Variants in ASTN2 observed in about 807,000 individuals in gnomAD.
ASTN2 encodes the protein astrotactin 2.
In ASTN2, 54 loss-of-function variants were observed where a neutral mutation model predicts 139.8. The observed-to-expected ratio is 0.39, with a 90% CI of 0.31 to 0.48. ASTN2 has a LOEUF of 0.48. ASTN2 is among the 20% of genes least tolerant of loss of function. The pLI, the probability that ASTN2 is intolerant of heterozygous loss-of-function variation, is 0.95. For synonymous variants in ASTN2, 756 were observed against 719.5 expected (o/e 1.05, Z -0.81); for missense variants, 1,565 against 1,725.1 (o/e 0.91, Z 1.64).
chr9:117,215,364 A>G (rs983602843), intron 2 of ASTN2, among the ~76,000 whole-genome samples: 1 of 151,950 alleles, frequency 6.6e-6, no homozygotes, highest in Non-Finnish European at 1.5e-5. Flanking sequence ...CTGAATTTCT[A>G]TAAGGGAACT....
intron 20 of ASTN2, among the ~76,000 whole-genome samples, chr9:116,467,571 G>C (rs7846884): frequency 0.33 from 49,703 of 152,132 alleles, 8,859 homozygotes; most frequent in Non-Finnish European, 0.41. Flanking sequence ...GGCCGAGACA[G>C]AATCTTACGA....
intron 20 of ASTN2, among the ~76,000 whole-genome samples, chr9:116,468,678 A>G (rs1171100617): frequency 6.6e-6 from 1 of 152,188 alleles, no homozygotes; most frequent in Admixed American, 6.5e-5. Flanking sequence ...TGATCTTCCT[A>G]AAGAGCAAAT....
chr9:117,413,749 A>T (rs184603485), intron 1 of ASTN2, among the ~76,000 whole-genome samples: 1 of 152,262 alleles, frequency 6.6e-6, no homozygotes, highest in Admixed American at 6.5e-5. Context: ...AATTATTATT[A>T]GCCCAGGGAG....
At chr9:116,567,264 A>G (rs1564122014) in intron 19 of ASTN2, among the ~76,000 whole-genome samples, 1 of 152,164 alleles carries the variant, frequency 6.6e-6, no homozygotes, top group Non-Finnish European at 1.5e-5. Flanking sequence ...ACTTGGGAAG[A>G]TATGTGTGCA....
intron 19 of ASTN2, among the ~76,000 whole-genome samples, chr9:116,578,655 TGTGTGTG>T: frequency 7.4e-6 from 1 of 135,430 alleles, no homozygotes. Flanking sequence ...TGTGTGTGTG[TGTGTGTG>T]TGTGTTTCTA....
At chr9:117,331,772 C>T (rs1216062457) in intron 1 of ASTN2, among the ~76,000 whole-genome samples, 1 of 152,100 alleles carries the variant, frequency 6.6e-6, no homozygotes, top group Non-Finnish European at 1.5e-5. Context: ...AAACCAAAAA[C>T]GAAGTCTGTG....
At chr9:116,814,785 G>A (rs1831265013) in intron 12 of ASTN2, among the ~76,000 whole-genome samples, 1 of 152,120 alleles carries the variant, frequency 6.6e-6, no homozygotes, top group African/African-American at 2.4e-5. Flanking sequence ...CATTTAGTTT[G>A]TTGTTGTTGT....
chr9:116,815,830 T>TAAAAAAAAAAAAAAA, intron 12 of ASTN2, among the ~76,000 whole-genome samples: 1 of 41,884 alleles, frequency 2.4e-5, no homozygotes, highest in Non-Finnish European at 5.1e-5. Context: ...AAAAAAAAAG[T>TAAAAAAAAAAAAAAA]TGATGAAATG....
intron 10 of ASTN2, among the ~76,000 whole-genome samples, chr9:116,907,103 T>A (rs1334618475): frequency 6.6e-6 from 1 of 152,190 alleles, no homozygotes; most frequent in East Asian, 1.9e-4. Flanking sequence ...ATGTAGATGA[T>A]ACACTAGGAT....
chr9:116,537,215 C>T (rs1851674951), intron 19 of ASTN2, among the ~76,000 whole-genome samples: 1 of 152,156 alleles, frequency 6.6e-6, no homozygotes, highest in African/African-American at 2.4e-5. Flanking sequence ...AGAAATTACC[C>T]ATCTTCTGTG....
At chr9:117,299,719 C>G (rs534770123) in intron 1 of ASTN2, among the ~76,000 whole-genome samples, 1 of 152,132 alleles carries the variant, frequency 6.6e-6, no homozygotes, top group Non-Finnish European at 1.5e-5. Flanking sequence ...TGCAATCAGA[C>G]CAAGCCCGAG....
At chr9:117,341,268 T>G (rs1829054005) in intron 1 of ASTN2, among the ~76,000 whole-genome samples, 1 of 152,130 alleles carries the variant, frequency 6.6e-6, no homozygotes, top group Admixed American at 6.6e-5. Context: ...TTTTTTTTCC[T>G]GGTTGCTGCA....
intron 1 of ASTN2, among the ~76,000 whole-genome samples, chr9:117,397,211 A>G (rs1430125118): frequency 6.6e-6 from 1 of 152,130 alleles, no homozygotes; most frequent in Non-Finnish European, 1.5e-5. Context: ...CGCCTGGCCC[A>G]TCCCCTCAAG....
intron 3 of ASTN2, among the ~76,000 whole-genome samples, chr9:117,144,670 T>TG: frequency 4.9e-5 from 1 of 20,278 alleles, no homozygotes; most frequent in African/African-American, 9.2e-5. Flanking sequence ...GTTTTTTTTT[T>TG]TTTTTTTTTT....
intron 10 of ASTN2, among the ~76,000 whole-genome samples, chr9:116,917,937 G>A (rs1307820147): frequency 6.6e-6 from 1 of 152,128 alleles, no homozygotes; most frequent in East Asian, 1.9e-4. Context: ...TGTGTTGTGG[G>A]AGGGACCCAG....
chr9:116,454,610 T>C (rs770627623), intron 20 of ASTN2, among the ~76,000 whole-genome samples: 1 of 152,158 alleles, frequency 6.6e-6, no homozygotes, highest in Non-Finnish European at 1.5e-5. Flanking sequence ...TGTGGCACTA[T>C]TCACGATAGC....
At chr9:116,898,464 T>C (rs982384840) in intron 10 of ASTN2, among the ~76,000 whole-genome samples, 2 of 151,244 alleles carry the variant, frequency 1.3e-5, no homozygotes, top group Non-Finnish European at 1.5e-5. Flanking sequence ...GTGAACCTAC[T>C]TCGCAAATAA....
At chr9:117,146,550 G>A (rs537255906) in intron 3 of ASTN2, among the ~76,000 whole-genome samples, 23 of 151,622 alleles carry the variant, frequency 1.5e-4, no homozygotes, top group Non-Finnish European at 3.2e-4. Context: ...GAAAGAGGGG[G>A]TCTAAGATGA....
intron 11 of ASTN2, among the ~76,000 whole-genome samples, chr9:116,858,826 C>T (rs1162655138): frequency 6.6e-6 from 1 of 151,800 alleles, no homozygotes; most frequent in East Asian, 1.9e-4. Flanking sequence ...ACTGTATCAC[C>T]CTCCTCATAT....
Sources: gnomAD v4.1 joint callset for allele counts (sites outside exome capture counted in the v4.1 genomes callset) on GRCh38, gnomAD v4.1.1 for gene constraint, MANE v1.5 for transcripts, NCBI Gene and HGNC (gene_info 2026-07-23, HGNC 2026-07-21) for gene names.